TSPAN9: variants seen among roughly 807,000 people sequenced by gnomAD.
The protein encoded by TSPAN9 is tetraspanin-9.
In TSPAN9, 16 loss-of-function variants were observed where a neutral mutation model predicts 31.0. The ratio of observed to expected loss-of-function variants is 0.52; its 90% CI spans 0.35 to 0.78. TSPAN9 has a LOEUF of 0.78. TSPAN9 is among the 30% of genes least tolerant of loss of function. The pLI is 0.01. For synonymous variants in TSPAN9, 145 were observed against 121.6 expected, an observed-to-expected ratio of 1.19 and a Z score of -1.27; for missense variants, 272 against 312.5, an observed-to-expected ratio of 0.87 and a Z score of 0.98.
intron 2 of TSPAN9, among the ~76,000 whole-genome samples, chr12:3,105,748 T>C (rs866823191): frequency 1.9e-5 from 2 of 105,790 alleles, no homozygotes; most frequent in Non-Finnish European, 4.6e-5. Context: ...ACACACACAC[T>C]CACACACACG....
intron 2 of TSPAN9, among the ~76,000 whole-genome samples, chr12:3,092,981 C>T (rs1278395630): frequency 2.6e-5 from 4 of 152,242 alleles, no homozygotes; most frequent in African/African-American, 9.6e-5. Context: ...CTGGACACTG[C>T]AGGCTGGGCC....
chr12:3,218,621 G>A (rs2098382615), intron 3 of TSPAN9, among the ~76,000 whole-genome samples: 1 of 152,198 alleles, frequency 6.6e-6, no homozygotes, highest in African/African-American at 2.4e-5. Flanking sequence ...CCTGGGAATG[G>A]GGAGGAGGAG....
rs75246212 is a variant in TSPAN9, at chr12:3,086,392, C to T, written c.-18+2673C>T. Among the ~76,000 whole-genome samples the T allele has an allele frequency of 3.4e-3, 511 of 152,132 alleles. 2 individuals carry two copies. Among genetic ancestry groups the T allele is most frequent in the African/African-American group, 0.012 (490 of 41,480 alleles). On this transcript the variant is annotated intron_variant, in intron 2 of 8. Transcript: ENST00000011898. The stretch of plus-strand genomic sequence containing the variant: ...GTGCTTTGATTTACCACACCCCTTC[C>T]GCCCTCTGTTTTCTCTCAGGCTCCC...
chr12:3,241,910 T>C (rs2153977214), intron 3 of TSPAN9, among the ~76,000 whole-genome samples: 1 of 152,360 alleles, frequency 6.6e-6, no homozygotes, highest in African/African-American at 2.4e-5. Flanking sequence ...GTCTCTGCCA[T>C]GCAGCTGCTT....
intron 3 of TSPAN9, among the ~76,000 whole-genome samples, chr12:3,260,957 G>A (rs1299510004): frequency 6.6e-6 from 1 of 152,236 alleles, no homozygotes; most frequent in Non-Finnish European, 1.5e-5. Flanking sequence ...GCCATGATCA[G>A]CCATATCCCT....
intron 3 of TSPAN9, among the ~76,000 whole-genome samples, chr12:3,217,370 C>T (rs2098381914): frequency 6.6e-6 from 1 of 152,176 alleles, no homozygotes. Flanking sequence ...GCTTCTCTGA[C>T]ATCTGTCTAG....
At chr12:3,268,557 CCTCT>C (rs1862590012) in intron 3 of TSPAN9, among the ~76,000 whole-genome samples, 2 of 126,378 alleles carry the variant, frequency 1.6e-5, no homozygotes, top group East Asian at 2.5e-4. Flanking sequence ...TGCAGCCTGC[CCTCT>C]CTGTGTTCCT....
intron 2 of TSPAN9, among the ~76,000 whole-genome samples, chr12:3,167,627 T>A (rs1390763792): frequency 4.6e-5 from 7 of 152,218 alleles, no homozygotes; most frequent in Admixed American, 4.6e-4. Context: ...TAGCTCGTGA[T>A]GAGCTGGATT....
intron 2 of TSPAN9, among the ~76,000 whole-genome samples, chr12:3,171,286 G>C (rs1240032636): frequency 6.6e-6 from 1 of 152,026 alleles, no homozygotes; most frequent in Non-Finnish European, 1.5e-5. Context: ...CTATAGGAGG[G>C]CTTGTTTGTT....
chr12:3,137,518 TG>T lies in TSPAN9; in HGVS notation c.-18+53800del, dbSNP rs531597327. Reference sequence around the variant, plus strand: ...CTCTGCTCTGGGCACCCCACATCCATGCCAGGCCCAGATTTGGGCCCCAAGG... The same window carrying T: ...CTCTGCTCTGGGCACCCCACATCCATCCAGGCCCAGATTTGGGCCCCAAGG... On this transcript the variant is annotated intron_variant, in intron 2 of 8. Coordinates refer to ENST00000011898, the MANE Select transcript of TSPAN9 (RefSeq NM_006675.5). Among the ~76,000 whole-genome samples the T allele has an allele frequency of 1.3e-3, 200 of 152,288 alleles. 1 individual carries two copies. The highest frequency in any genetic ancestry group is 4.6e-3 in the African/African-American group (191 of 41,562).
At chr12:3,254,612 A>G (rs1247619819) in intron 3 of TSPAN9, among the ~76,000 whole-genome samples, 1 of 152,188 alleles carries the variant, frequency 6.6e-6, no homozygotes, top group South Asian at 2.1e-4. Context: ...TAGAACGTTC[A>G]CCAGGCACCA....
intron 3 of TSPAN9, among the ~76,000 whole-genome samples, chr12:3,207,327 G>C (rs1008995725): frequency 6.6e-6 from 1 of 152,146 alleles, no homozygotes; most frequent in African/African-American, 2.4e-5. Flanking sequence ...TGATATGCCT[G>C]TTTATTTGGT....
At position 3,172,371 on chromosome 12, in the gene TSPAN9, T is replaced by A. The variant is rs1433375585; in HGVS notation, c.-17-28806T>A. ...CGGGGAGCCGGCATGGTCAGGGTCATGCTGTTTTCAGTTGTGGACGAGTGC... is the reference window on the plus strand; with the variant it reads ...CGGGGAGCCGGCATGGTCAGGGTCAAGCTGTTTTCAGTTGTGGACGAGTGC... On this transcript the variant is annotated intron_variant, in intron 2 of 8. Transcript: ENST00000011898. The surrounding 1 kb of genome is among the most constrained non-coding windows in gnomAD (Gnocchi z 4.8). 3 of 152,308 alleles carry A rather than the reference T, an allele frequency of 2.0e-5. No homozygotes were observed. In the East Asian group the frequency reaches 5.8e-4, roughly 29 times the overall value. The allele number at this position is 152,308 out of a possible 1,614,324, so 9.4% of individuals were successfully genotyped here.
At chr12:3,230,636 C>T (rs939353927) in intron 3 of TSPAN9, among the ~76,000 whole-genome samples, 2 of 152,134 alleles carry the variant, frequency 1.3e-5, no homozygotes, top group African/African-American at 4.8e-5. Flanking sequence ...TCCTCAGCCC[C>T]TGGAGACCCT....
chr12:3,258,760 C>T (rs1397635822), intron 3 of TSPAN9, among the ~76,000 whole-genome samples: 5 of 152,184 alleles, frequency 3.3e-5, no homozygotes, highest in Non-Finnish European at 7.4e-5. Flanking sequence ...GGTGGGTTGA[C>T]CTGGGGCCAG....
In TSPAN9 at chr12:3,170,962, G is replaced by A. The variant is rs1395750184; in HGVS notation, c.-17-30215G>A. Among the ~76,000 whole-genome samples the A allele has an allele frequency of 1.3e-5, 2 of 152,068 alleles. No homozygotes were observed. The highest frequency in any genetic ancestry group is 2.1e-4 in the South Asian group (1 of 4,822). Reference sequence around the variant, plus strand: ...TCCTAATGTACTGAAAAGCACACTCGTTGCCTCCCCACTCCTGTGTTCCTT... The same window carrying A: ...TCCTAATGTACTGAAAAGCACACTCATTGCCTCCCCACTCCTGTGTTCCTT... On this transcript the variant is annotated intron_variant, in intron 2 of 8. Transcript: ENST00000011898. This position sits in a 1 kb window ranked among gnomAD's most constrained non-coding sequence, Gnocchi z 4.4.
In TSPAN9 at chr12:3,191,296, C is replaced by T. The variant is rs568505451; in HGVS notation, c.-17-9881C>T. ...CTCTGGCCCACCCTCCTTTCAGGCT[C>T]CCTTTCTGCAAAGCTTCATTCCAGT... On this transcript the variant is annotated intron_variant, in intron 2 of 8. Coordinates refer to ENST00000011898, the MANE Select transcript of TSPAN9 (RefSeq NM_006675.5). Among the ~76,000 whole-genome samples, 308 of 152,248 alleles carry T rather than the reference C, an allele frequency of 2.0e-3. 1 individual carries two copies. Among genetic ancestry groups the T allele is most frequent in the Non-Finnish European group, 3.4e-3 (233 of 68,022 alleles).
At chr12:3,087,928 T>C (rs1420310104) in intron 2 of TSPAN9, among the ~76,000 whole-genome samples, 3 of 152,122 alleles carry the variant, frequency 2.0e-5, no homozygotes, top group African/African-American at 2.4e-5. Flanking sequence ...CACCTGCCAG[T>C]GTGGAGACTG....
At chr12:3,225,741 A>ATT (rs149017195) in intron 3 of TSPAN9, among the ~76,000 whole-genome samples, 7 of 146,188 alleles carry the variant, frequency 4.8e-5, no homozygotes, top group African/African-American at 1.7e-4. Context: ...AGCAGAAGGG[A>ATT]TTTTTTTTTT....
Sources: allele counts gnomAD v4.1 joint callset (sites outside exome capture counted in the v4.1 genomes callset), GRCh38; gene constraint gnomAD v4.1.1; non-coding constraint Gnocchi (gnomAD v3.1); transcripts MANE v1.5; gene names NCBI Gene and HGNC (gene_info 2026-07-23, HGNC 2026-07-21).